LRMDA: variants seen among roughly 807,000 people sequenced by gnomAD.
LRMDA encodes leucine rich melanocyte differentiation associated.
In LRMDA, 18 loss-of-function variants were observed where a neutral mutation model predicts 29.8. That is an observed-to-expected ratio of 0.60 (90% CI 0.42 to 0.90). The LOEUF (loss-of-function observed/expected upper bound fraction) is 0.90. LRMDA is among the 40% of genes least tolerant of loss of function. The pLI, the probability that LRMDA is intolerant of heterozygous loss-of-function variation, is 0.00. For synonymous variants in LRMDA, 125 were observed against 109.4 expected (o/e 1.14, Z -0.89); for missense variants, 273 against 273.9 (o/e 1.00, Z 0.02).
intron 2 of LRMDA, among the ~76,000 whole-genome samples, chr10:75,538,487 T>C (rs1046041091): frequency 3.3e-5 from 5 of 152,206 alleles, no homozygotes; most frequent in African/African-American, 1.2e-4. Context: ...TTGTCTCTTA[T>C]GTAATCTTCA....
At chr10:76,364,235 A>G (rs1252917003) in intron 6 of LRMDA, among the ~76,000 whole-genome samples, 1 of 152,144 alleles carries the variant, frequency 6.6e-6, no homozygotes, top group Non-Finnish European at 1.5e-5. Context: ...TGGGGTTGGG[A>G]AAAATTTCGC....
At chr10:76,084,617 C>T (rs1158014632) in intron 5 of LRMDA, among the ~76,000 whole-genome samples, 1 of 151,952 alleles carries the variant, frequency 6.6e-6, no homozygotes, top group Non-Finnish European at 1.5e-5. Flanking sequence ...TCAGTTTTCT[C>T]GTTGGCAAAT....
chr10:76,065,251 G>A (rs73281564), intron 5 of LRMDA, among the ~76,000 whole-genome samples: 3,117 of 152,314 alleles, frequency 0.02, 117 homozygotes, highest in African/African-American at 0.071. Context: ...TTTGGAGGCG[G>A]CCTCTGTAGC....
chr10:75,838,727 T>C (rs1175980327), intron 2 of LRMDA, among the ~76,000 whole-genome samples: 2 of 152,258 alleles, frequency 1.3e-5, no homozygotes, highest in East Asian at 3.8e-4. Flanking sequence ...GTTTCCTACA[T>C]TGTGATCACA....
intron 2 of LRMDA, among the ~76,000 whole-genome samples, chr10:75,930,027 G>A (rs1204478205): frequency 6.6e-6 from 1 of 152,196 alleles, no homozygotes; most frequent in East Asian, 1.9e-4. Context: ...ATACCATGAA[G>A]CACATTGAAG....
At chr10:76,244,810 T>C (rs1429132532) in intron 5 of LRMDA, among the ~76,000 whole-genome samples, 1 of 152,130 alleles carries the variant, frequency 6.6e-6, no homozygotes, top group Non-Finnish European at 1.5e-5. Flanking sequence ...GGGAAGTCAG[T>C]GTGGGAATTT....
chr10:76,541,191 C>T (rs1413272108), intron 6 of LRMDA, among the ~76,000 whole-genome samples: 2 of 152,156 alleles, frequency 1.3e-5, no homozygotes, highest in African/African-American at 4.8e-5. Context: ...TAGGAGGCAA[C>T]CTCTAGTGCC....
chr10:75,966,042 A>C (rs1846853772), intron 2 of LRMDA, among the ~76,000 whole-genome samples: 1 of 152,232 alleles, frequency 6.6e-6, no homozygotes, highest in Non-Finnish European at 1.5e-5. Context: ...ATTGCTTATT[A>C]CCTTGTCTTG....
intron 5 of LRMDA, among the ~76,000 whole-genome samples, chr10:76,147,514 G>A (rs1212910292): frequency 5.9e-5 from 9 of 152,078 alleles, no homozygotes; most frequent in Non-Finnish European, 1.0e-4. Flanking sequence ...CGTAGCTCTC[G>A]TGCCTTGGTT....
chr10:75,947,567 G>A (rs1846498886), intron 2 of LRMDA, among the ~76,000 whole-genome samples: 1 of 152,208 alleles, frequency 6.6e-6, no homozygotes, highest in Non-Finnish European at 1.5e-5. Flanking sequence ...GCCTGACTTT[G>A]AGTCCTGGGT....
chr10:75,980,541 T>C (rs1210216635), intron 2 of LRMDA, among the ~76,000 whole-genome samples: 1 of 152,214 alleles, frequency 6.6e-6, no homozygotes, highest in African/African-American at 2.4e-5. Flanking sequence ...TGTTCTGTCA[T>C]GCAGGTCAGC....
chr10:75,621,321 G>A (rs1841183609), intron 2 of LRMDA, among the ~76,000 whole-genome samples: 1 of 152,040 alleles, frequency 6.6e-6, no homozygotes, highest in Non-Finnish European at 1.5e-5. Context: ...AAATTGTGCT[G>A]CTTCCTATTG....
At chr10:75,973,715 T>C (rs1847022079) in intron 2 of LRMDA, among the ~76,000 whole-genome samples, 1 of 152,162 alleles carries the variant, frequency 6.6e-6, no homozygotes, top group Non-Finnish European at 1.5e-5. Flanking sequence ...CCATCATGCC[T>C]GGCGGCCCTC....
chr10:76,055,089 A>AAAAAAAAAG (rs1564640519), intron 4 of LRMDA, among the ~76,000 whole-genome samples: 1 of 125,448 alleles, frequency 8.0e-6, no homozygotes, highest in Non-Finnish European at 1.7e-5. Context: ...AAAAAAAAAA[A>AAAAAAAAAG]AAAAAGAAAA....
intron 6 of LRMDA, among the ~76,000 whole-genome samples, chr10:76,478,396 A>T (rs572945110): frequency 7.0e-4 from 107 of 152,242 alleles, no homozygotes; most frequent in African/African-American, 2.5e-3. Context: ...GTCAGGAAAC[A>T]ACAGGTGCTG....
intron 2 of LRMDA, among the ~76,000 whole-genome samples, chr10:75,953,294 G>A (rs1215063053): frequency 1.3e-5 from 2 of 152,082 alleles, no homozygotes; most frequent in African/African-American, 2.4e-5. Flanking sequence ...GCCCAGGCTG[G>A]TCTTGAACTC....
chr10:76,208,218 G>A (rs1450625404), intron 5 of LRMDA, among the ~76,000 whole-genome samples: 1 of 152,070 alleles, frequency 6.6e-6, no homozygotes, highest in Non-Finnish European at 1.5e-5. Context: ...ATTTCATAAA[G>A]CAAATGTTAC....
chr10:76,174,994 G>A (rs901539705), intron 5 of LRMDA, among the ~76,000 whole-genome samples: 8 of 152,114 alleles, frequency 5.3e-5, no homozygotes, highest in South Asian at 2.1e-4. Context: ...AGTGGCGTGC[G>A]CCTGTAGTCC....
intron 2 of LRMDA, among the ~76,000 whole-genome samples, chr10:75,444,274 C>T (rs866655512): frequency 6.6e-6 from 1 of 152,214 alleles, no homozygotes; most frequent in Middle Eastern, 3.4e-3. Flanking sequence ...GGATTTCAGG[C>T]TGTATTGTTT....
Sources: gnomAD v4.1 joint callset for allele counts (sites outside exome capture counted in the v4.1 genomes callset) on GRCh38, gnomAD v4.1.1 for gene constraint, MANE v1.5 for transcripts, NCBI Gene and HGNC (gene_info 2026-07-23, HGNC 2026-07-21) for gene names.